Variants in MCPH1 observed in about 807,000 individuals in gnomAD.
The protein encoded by MCPH1 is microcephalin.
In MCPH1, 104 loss-of-function variants were observed where a neutral mutation model predicts 84.5. The observed-to-expected ratio is 1.23, with a 90% CI of 1.05 to 1.45. MCPH1 has a LOEUF of 1.45. MCPH1 is among the 40% of genes most tolerant of loss of function. MCPH1 has a pLI of 0.00. For synonymous variants in MCPH1, 514 were observed against 366.8 expected, an observed-to-expected ratio of 1.40 and a Z score of -4.58; for missense variants, 1,498 against 1,005.7, an observed-to-expected ratio of 1.49 and a Z score of -6.62.
chr8:6,505,697 ATTC>A (rs1446408782), intron 12 of MCPH1, among the ~76,000 whole-genome samples: 1 of 101,192 alleles, frequency 9.9e-6, no homozygotes. Flanking sequence ...GAATATATGT[ATTC>A]TTTATTACGT....
chr8:6,546,188 A>C (rs1002175975), intron 12 of MCPH1, among the ~76,000 whole-genome samples: 1 of 152,226 alleles, frequency 6.6e-6, no homozygotes, highest in African/African-American at 2.4e-5. Context: ...CAATTCCCAA[A>C]CTGTGTGCCA....
In MCPH1 at chr8:6,643,324, G is replaced by A. The variant is rs1442309457; in HGVS notation, c.*275G>A. 1.1e-5 allele frequency: 5 copies of A among 443,796 alleles called. No homozygotes were observed. Among genetic ancestry groups the A allele is most frequent in the Non-Finnish European group, 2.1e-5 (5 of 243,340 alleles). 27.5% of individuals were successfully genotyped at this position (443,796 alleles called of 1,614,324 possible). A position where few individuals can be genotyped will look rare whatever the true frequency, so the allele number is the denominator to read the frequency against. On this transcript the variant is annotated 3_prime_UTR_variant, in exon 14 of 14. Coordinates refer to ENST00000344683, the MANE Select transcript of MCPH1 (RefSeq NM_024596.5). ...CTGTTTCCCAGGCTGGAGTGCAATG[G>A]CACAATCTCGGCTCACTGCAACCTC... is the stretch of plus-strand genomic sequence containing the variant.
intron 12 of MCPH1, 61 bp from the exon 13 acceptor site, chr8:6,621,393 C>A (rs1339530649): frequency 2.5e-6 from 4 of 1,598,634 alleles, no homozygotes; most frequent in Non-Finnish European, 3.4e-6. Context: ...CAACAGTTCG[C>A]CTACGCTATG....
intron 13 of MCPH1, among the ~76,000 whole-genome samples, chr8:6,638,834 C>T (rs553495006): frequency 3.3e-5 from 5 of 152,228 alleles, no homozygotes; most frequent in African/African-American, 7.2e-5. Flanking sequence ...CAGTTAGGAA[C>T]GTGGGGCTGT....
At chr8:6,575,674 C>A (rs571932840) in intron 12 of MCPH1, among the ~76,000 whole-genome samples, 2 of 152,128 alleles carry the variant, frequency 1.3e-5, no homozygotes, top group Non-Finnish European at 2.9e-5. Context: ...GGAAGTAGGG[C>A]CATTGCAGTT....
intron 12 of MCPH1, among the ~76,000 whole-genome samples, chr8:6,582,561 TG>T (rs1333590434): frequency 6.6e-6 from 1 of 152,214 alleles, no homozygotes; most frequent in Non-Finnish European, 1.5e-5. Context: ...TGCTATTTTT[TG>T]TTTGTTTGTA....
intron 4 of MCPH1, among the ~76,000 whole-genome samples, chr8:6,435,389 A>T (rs1802498051): frequency 6.6e-6 from 1 of 152,122 alleles, no homozygotes; most frequent in South Asian, 2.1e-4. Context: ...AAACTCTCAA[A>T]TCCGCCTCCC....
At chr8:6,561,276 TC>T (rs1333983415) in intron 12 of MCPH1, among the ~76,000 whole-genome samples, 10 of 152,246 alleles carry the variant, frequency 6.6e-5, no homozygotes, top group Admixed American at 6.5e-4. Flanking sequence ...GAGTTTTATG[TC>T]ACATGAAATC....
intron 12 of MCPH1, among the ~76,000 whole-genome samples, chr8:6,553,717 G>T (rs1179375988): frequency 4.6e-5 from 7 of 151,296 alleles, no homozygotes; most frequent in African/African-American, 1.7e-4. Context: ...GGTGGTCTTG[G>T]GGCCTACGAG....
chr8:6,576,522 C>CCCCTTCCCCGT lies in MCPH1; in HGVS notation c.2215-44930_2215-44929insCTTCCCCGTCC, dbSNP rs1349653686. 2.5e-3 allele frequency among the ~76,000 whole-genome samples: 382 copies of CCCCTTCCCCGT among 150,046 alleles called. 5 individuals are homozygous for CCCCTTCCCCGT. Among genetic ancestry groups the CCCCTTCCCCGT allele is most frequent in the African/African-American group, 8.6e-3 (353 of 40,926 alleles). On this transcript the variant is annotated intron_variant, in intron 12 of 13. Transcript: ENST00000344683. ...TTCCCTTCCCCTTCCCCTTCCCCGT[C>CCCCTTCCCCGT]CCTTTAGATGTAGTCTCCCTCTGTC... is the stretch of plus-strand genomic sequence containing the variant.
intron 12 of MCPH1, among the ~76,000 whole-genome samples, chr8:6,547,297 CAG>C (rs1361878720): frequency 6.6e-6 from 1 of 152,082 alleles, no homozygotes; most frequent in African/African-American, 2.4e-5. Flanking sequence ...GGTAAAAGTA[CAG>C]AGACTTGAAT....
chr8:6,471,928 T>C (rs993336814), intron 9 of MCPH1, among the ~76,000 whole-genome samples: 5 of 152,230 alleles, frequency 3.3e-5, no homozygotes, highest in Admixed American at 6.5e-5. Context: ...TAAATGGCTA[T>C]GGTTCTCGTA....
intron 12 of MCPH1, among the ~76,000 whole-genome samples, chr8:6,565,498 T>G (rs958643266): frequency 4.4e-4 from 67 of 152,194 alleles, no homozygotes; most frequent in African/African-American, 1.6e-3. Flanking sequence ...TGGCATCCAA[T>G]GATCCTCTTG....
At chr8:6,532,239 GT>G in intron 12 of MCPH1, 1 of 1,451,246 alleles carries the variant, frequency 6.9e-7, no homozygotes, top group Non-Finnish European at 9.4e-7. Context: ...GCTTTCTTTA[GT>G]TTCTCATGCC....
intron 12 of MCPH1, chr8:6,527,545 C>T (rs371601216): frequency 1.1e-5 from 17 of 1,611,312 alleles, no homozygotes; most frequent in Admixed American, 3.4e-5. Context: ...TGTTTTAGTA[C>T]TGTTATTACC....
intron 12 of MCPH1, among the ~76,000 whole-genome samples, chr8:6,524,416 T>A (rs1190249531): frequency 2.6e-5 from 4 of 152,222 alleles, no homozygotes; most frequent in African/African-American, 9.6e-5. Flanking sequence ...ACCTGCTTGA[T>A]AAAGAAACCT....
rs1798117623 is a variant in MCPH1, at chr8:6,644,502, G to T, written c.*1453G>T. The T allele has an allele frequency of 6.6e-6, 1 of 152,158 alleles. No individual in the cohort carries two copies. Among genetic ancestry groups the T allele is most frequent in the Admixed American group, 6.5e-5 (1 of 15,272 alleles). The allele number at this position is 152,158 out of a possible 1,614,324, so 9.4% of individuals were successfully genotyped here. ...ATAAATGACTTAAGTAAAGTTTCAG[G>T]ATAGTAAATCCATGTACAAAAATCA... On this transcript the variant is annotated 3_prime_UTR_variant, in exon 14 of 14. Coordinates refer to ENST00000344683, the MANE Select transcript of MCPH1 (RefSeq NM_024596.5).
At chr8:6,627,434 A>C (rs1031031813) in intron 13 of MCPH1, 1 of 224,538 alleles carries the variant, frequency 4.5e-6, no homozygotes, top group Non-Finnish European at 7.5e-6. Flanking sequence ...GCAACCGCTC[A>C]GAAAATGTTT....
chr8:6,442,201 A>G, intron 7 of MCPH1, 45 bp downstream of exon 7: 1 of 1,230,784 alleles, frequency 8.1e-7, no homozygotes, highest in East Asian at 2.3e-5. Context: ...AAGTTTTGAG[A>G]ATAATATGAT....
Sources: allele counts gnomAD v4.1 joint callset (sites outside exome capture counted in the v4.1 genomes callset), GRCh38; gene constraint gnomAD v4.1.1; transcripts MANE v1.5; gene names NCBI Gene and HGNC (gene_info 2026-07-23, HGNC 2026-07-21).